Variants in IL1RL1 observed in about 807,000 individuals in gnomAD.
IL1RL1 encodes interleukin 1 receptor like 1.
A neutral mutation model predicts 50.9 loss-of-function variants in IL1RL1; 32 were observed. That is an observed-to-expected ratio of 0.63 (90% CI 0.47 to 0.84). The LOEUF (loss-of-function observed/expected upper bound fraction) is 0.84. Among genes scored for constraint, IL1RL1 ranks in the 40% least tolerant of loss-of-function variants. The pLI is 0.00. For synonymous variants in IL1RL1, 275 were observed against 236.0 expected, an observed-to-expected ratio of 1.17 and a Z score of -1.51; for missense variants, 773 against 662.9, an observed-to-expected ratio of 1.17 and a Z score of -1.82.
Position 102,340,135 on chromosome 2 carries a change from A to G in IL1RL1, c.310A>G (p.Ile104Val). 1 of 1,583,146 alleles carries G rather than the reference A, an allele frequency of 6.3e-7. No homozygotes were observed. The highest frequency in any genetic ancestry group is 8.6e-7 in the Non-Finnish European group (1 of 1,164,020). The change falls in exon 4 of 11, where the codon ATA (isoleucine) becomes GTA (valine). Residue 104 changes from isoleucine (I) to valine (V), a missense_variant. Ile to Val is a conservative substitution (Grantham distance 29, BLOSUM62 3). Transcript: ENST00000233954. ...TAGGACTGGATATGCGAATGTCACC[A>G]TATATAAAAAACAATCAGATTGCAA... ...FNRTGYANVT[I>V]YKKQSDCNVP...
intron 8 of IL1RL1, among the ~76,000 whole-genome samples, chr2:102,347,730 C>A (rs1573162447): frequency 6.6e-6 from 1 of 152,144 alleles, no homozygotes; most frequent in African/African-American, 2.4e-5. Flanking sequence ...CTCTCTGCCT[C>A]TTTTGCCTTT....
intron 1 of IL1RL1, among the ~76,000 whole-genome samples, chr2:102,323,714 A>G (rs1257519105): frequency 6.6e-6 from 1 of 152,140 alleles, no homozygotes; most frequent in Non-Finnish European, 1.5e-5. Context: ...ATCCACCCCC[A>G]TGACCCAAAT....
chr2:102,314,798 A>G (rs1676625584), intron 1 of IL1RL1, among the ~76,000 whole-genome samples: 1 of 152,190 alleles, frequency 6.6e-6, no homozygotes, highest in African/African-American at 2.4e-5. Context: ...ACAGCCAGAG[A>G]GGAGCTGACT....
chr2:102,343,042 A>C lies in IL1RL1; in HGVS notation c.689A>C (p.Asn230Thr). The C allele has an allele frequency of 6.2e-7, 1 of 1,613,874 alleles. No homozygotes were observed. Among genetic ancestry groups the C allele is most frequent in the African/African-American group, 1.3e-5 (1 of 75,000 alleles). Residue 230 changes from asparagine (N) to threonine (T), a missense_variant, in exon 7 of 11, where the codon AAC (asparagine) becomes ACC (threonine). Transcript: ENST00000233954. ...TGTCCTTACTCCCCTCTAGGAAAAA[A>C]CGCAAACCTAACTTGCTCTGCTTGT... is the stretch of plus-strand genomic sequence containing the variant. ...NEIKEVEIGK[N>T]ANLTCSACFG...
Position 102,339,134 on chromosome 2 carries a change from T to C in IL1RL1, c.272+87T>C, listed in dbSNP as rs981094447. On this transcript the variant is annotated intron_variant, in intron 3 of 10. Transcript: ENST00000233954. ...CCTGAGCTGCCCTTGCTTTCATTCC[T>C]TCCCTAGTCCTTTCTGGAACAGTTA... 16 of 869,518 alleles carry C rather than the reference T, an allele frequency of 1.8e-5. No homozygotes were observed. In the African/African-American group the frequency reaches 2.7e-4, roughly 15 times the overall value. 53.9% of individuals were successfully genotyped at this position (869,518 alleles called of 1,614,324 possible).
chr2:102,328,798 T>C (rs990430680), intron 1 of IL1RL1, among the ~76,000 whole-genome samples: 2 of 152,188 alleles, frequency 1.3e-5, no homozygotes, highest in African/African-American at 4.8e-5. Flanking sequence ...GAAGGACCTC[T>C]TCAAGGAGAA....
intron 1 of IL1RL1, 95 bp from the exon 2 acceptor site, chr2:102,338,021 G>T (rs1446074396): frequency 2.5e-5 from 8 of 313,842 alleles, no homozygotes; most frequent in Non-Finnish European, 3.5e-5. Flanking sequence ...TAATAAATAT[G>T]TGTTGACTGA....
intron 1 of IL1RL1, among the ~76,000 whole-genome samples, chr2:102,314,122 T>C (rs1676602091): frequency 6.7e-6 from 1 of 150,034 alleles, no homozygotes; most frequent in Non-Finnish European, 1.5e-5. Context: ...GATGTATTTG[T>C]CCTTAGCACG....
intron 9 of IL1RL1, among the ~76,000 whole-genome samples, chr2:102,348,431 G>T (rs763069923): frequency 2.0e-5 from 3 of 149,438 alleles, no homozygotes; most frequent in Non-Finnish European, 4.5e-5. Context: ...AAACACAGTA[G>T]CAAAATTGTT....
chr2:102,348,275 A>G (rs1384550679), intron 9 of IL1RL1, among the ~76,000 whole-genome samples, 184 bp downstream of exon 9: 1 of 152,160 alleles, frequency 6.6e-6, no homozygotes, highest in East Asian at 1.9e-4. Flanking sequence ...TGCTATGTAA[A>G]TCCTCACGGT....
intron 1 of IL1RL1, among the ~76,000 whole-genome samples, chr2:102,325,654 TA>T (rs1676975823): frequency 6.6e-6 from 1 of 152,094 alleles, no homozygotes; most frequent in Non-Finnish European, 1.5e-5. Context: ...GAGAAGTCCT[TA>T]AAGGACCTGA....
chr2:102,321,726 C>G (rs1000721754), intron 1 of IL1RL1, among the ~76,000 whole-genome samples: 11 of 152,208 alleles, frequency 7.2e-5, no homozygotes, highest in African/African-American at 2.7e-4. Context: ...ATCCACCCCT[C>G]TTTGCATCTT....
Position 102,340,794 on chromosome 2 carries a change from T to C in IL1RL1, c.576T>C (p.Tyr192=), listed in dbSNP as rs112336397. Residue 192 remains tyrosine (Y), a synonymous_variant, in exon 5 of 11, where the codon TAT becomes TAC. Transcript: ENST00000233954. ...TACACAATGAAAATGGAGCCAATTA[T>C]AGTGTGACGGCGACCAGGTCCTTCA... ...KFIHNENGAN[Y]SVTATRSFTV... 6.3e-7 allele frequency: 1 copy of C among 1,583,784 alleles called. No homozygotes were observed. The highest frequency in any genetic ancestry group is 2.0e-5 in the Admixed American group (1 of 50,896).
Position 102,340,750 on chromosome 2 carries a change from G to C in IL1RL1, c.532G>C (p.Asp178His). 6.3e-7 allele frequency: 1 copy of C among 1,597,830 alleles called. No homozygotes were observed. The highest frequency in any genetic ancestry group is 8.5e-7 in the Non-Finnish European group (1 of 1,175,214). ...TAATGTGATGACTGAGGACGCAGGT[G>C]ATTACACCTGTAAATTTATACACAA... ...IDNVMTEDAG[D>H]YTCKFIHNEN... Residue 178 changes from aspartate to histidine, a missense_variant, in exon 5 of 11, where the codon GAT becomes CAT. Transcript: ENST00000233954.
rs895707594 is a variant in IL1RL1, at chr2:102,338,994, G to A, written c.219G>A (p.Lys73=). 1.9e-6 allele frequency: 3 copies of A among 1,613,970 alleles called. No homozygotes were observed. In the Admixed American group the frequency reaches 5.0e-5, roughly 27 times the overall value. ...TGTTTGCCTCAGGCCAACTTCTGAA[G>A]TTTCTACCAGCTGCAGTTGCTGATT... ...NRVFASGQLL[K]FLPAAVADSG... is the part of the protein sequence containing the mutation. Residue 73 remains lysine, a synonymous_variant, in exon 3 of 11, where the codon AAG becomes AAA. Transcript: ENST00000233954.
In IL1RL1 at chr2:102,311,905, GTTATATATTTTATTATATAATATATA is replaced by G. The variant is rs1489083712; in HGVS notation, c.-150+291_-150+316del. ...ATATAATATATAATATATCATATAT[GTTATATATTTTATTATATAATATATA>G]TTATATATAATATTATATATAATAT... On this transcript the variant is annotated intron_variant, in intron 1 of 10. Transcript: ENST00000233954. Among the ~76,000 whole-genome samples the G allele has an allele frequency of 6.4e-3, 121 of 19,046 alleles. 8 individuals carry two copies. Among genetic ancestry groups the G allele is most frequent in the African/African-American group, 0.022 (112 of 4,988 alleles). 12.5% of individuals were successfully genotyped at this position (19,046 alleles called of 152,430 possible).
chr2:102,346,006 G>C, intron 8 of IL1RL1: 5 of 984,594 alleles, frequency 5.1e-6, no homozygotes, highest in Non-Finnish European at 6.0e-6. Context: ...GCTCCTTCTA[G>C]CTTATTTGTA....
chr2:102,328,955 C>G (rs533847333), intron 1 of IL1RL1, among the ~76,000 whole-genome samples: 1 of 152,256 alleles, frequency 6.6e-6, no homozygotes, highest in Non-Finnish European at 1.5e-5. Context: ...ATCAAGCTAC[C>G]AATGACTTTC....
At chr2:102,319,805 C>T (rs1676785501) in intron 1 of IL1RL1, among the ~76,000 whole-genome samples, 1 of 152,200 alleles carries the variant, frequency 6.6e-6, no homozygotes, top group Admixed American at 6.5e-5. Flanking sequence ...CCTCTTGCCT[C>T]AGCCTCCCAA....
Sources: gnomAD v4.1 joint callset for allele counts (sites outside exome capture counted in the v4.1 genomes callset) on GRCh38, gnomAD v4.1.1 for gene constraint, MANE v1.5 for transcripts, NCBI Gene and HGNC (gene_info 2026-07-23, HGNC 2026-07-21) for gene names.